NFIB: variants seen among roughly 807,000 people sequenced by gnomAD.
NFIB encodes the protein nuclear factor 1 B-type.
NFIB carries 11 observed loss-of-function variants against 61.5 expected under a neutral mutation model. The ratio of observed to expected loss-of-function variants is 0.18; its 90% CI spans 0.11 to 0.30. The LOEUF (loss-of-function observed/expected upper bound fraction) is 0.30. Among genes scored for constraint, NFIB ranks in the 10% least tolerant of loss-of-function variants. The pLI, the probability that NFIB is intolerant of heterozygous loss-of-function variation, is 1.00. For missense variants in NFIB, 471 were observed against 608.9 expected (o/e 0.77, Z 2.38); for synonymous variants, 260 against 216.5 (o/e 1.20, Z -1.76).
chr9:14,474,595 T>C, the NFIB span, among the ~76,000 whole-genome samples: 102 of 152,336 alleles, frequency 6.7e-4, no homozygotes, highest in African/African-American at 2.2e-3. Context: ...CTAAATATTG[T>C]CTAAATCTGA....
Position 14,313,627 on chromosome 9 carries a change from G to C in NFIB, c.-116C>G. 1 of 1,584,168 alleles carries C rather than the reference G, an allele frequency of 6.3e-7. No individual in the cohort carries two copies. Among genetic ancestry groups the C allele is most frequent in the Non-Finnish European group, 8.6e-7 (1 of 1,165,656 alleles). On this transcript the variant is annotated 5_prime_UTR_variant, in exon 1 of 11. Coordinates refer to ENST00000380953, the MANE Select transcript of NFIB (RefSeq NM_001190737.2). This position sits in a 1 kb window ranked among gnomAD's most constrained non-coding sequence, Gnocchi z 4.5. Reference sequence around the variant, plus strand: ...CCCCGCGATGCGATCAATCAGGACGGGGCTCTGCGCTGGATCACCGCAACT... The same window carrying C: ...CCCCGCGATGCGATCAATCAGGACGCGGCTCTGCGCTGGATCACCGCAACT...
At position 14,175,167 on chromosome 9, in the gene NFIB, C is replaced by CTTTTTTTTTTTT. The variant is rs55765054; in HGVS notation, c.616+4548_616+4559dup. On this transcript the variant is annotated intron_variant, in intron 3 of 10. Transcript: ENST00000380953. ...AAAATTTTTATGACTTAAAGAATTT[C>CTTTTTTTTTTTT]TTTTTTTTTTTTTTTTTTTTGAGAT... 1.6e-4 allele frequency among the ~76,000 whole-genome samples: 20 copies of CTTTTTTTTTTTT among 126,044 alleles called. 1 individual carries two copies. Among genetic ancestry groups the CTTTTTTTTTTTT allele is most frequent in the African/African-American group, 6.2e-4 (19 of 30,548 alleles). 82.7% of individuals were successfully genotyped at this position (126,044 alleles called of 152,430 possible).
intron 2 of NFIB, among the ~76,000 whole-genome samples, chr9:14,250,963 A>AATT (rs2055539773): frequency 1.3e-5 from 2 of 152,248 alleles, no homozygotes; most frequent in Non-Finnish European, 2.9e-5. Context: ...GTGTCATAAT[A>AATT]AGTAAATACT....
intron 1 of NFIB, among the ~76,000 whole-genome samples, chr9:14,395,372 A>G (rs1348248033): frequency 1.3e-5 from 2 of 151,008 alleles, no homozygotes; most frequent in Non-Finnish European, 2.9e-5. Context: ...GAAAGTTTGG[A>G]TCCTGTTTGA....
chr9:14,283,891 G>A (rs962254179), intron 2 of NFIB, among the ~76,000 whole-genome samples: 3 of 152,164 alleles, frequency 2.0e-5, no homozygotes, highest in Non-Finnish European at 4.4e-5. Context: ...CTTTGTCTAG[G>A]TAGGTAGGTA....
intron 7 of NFIB, among the ~76,000 whole-genome samples, chr9:14,121,221 G>A (rs1414221936): frequency 2.0e-5 from 3 of 152,178 alleles, no homozygotes; most frequent in East Asian, 1.9e-4. Context: ...CCGAGATGGC[G>A]CCATTGCGCT....
chr9:14,148,719 G>T (rs1274400437), intron 5 of NFIB, among the ~76,000 whole-genome samples: 1 of 152,104 alleles, frequency 6.6e-6, no homozygotes, highest in Non-Finnish European at 1.5e-5. Flanking sequence ...CCAAGCCCTT[G>T]AATCATGTAT....
chr9:14,352,350 A>C (rs901552687), intron 1 of NFIB, among the ~76,000 whole-genome samples: 1 of 152,092 alleles, frequency 6.6e-6, no homozygotes, highest in Non-Finnish European at 1.5e-5. Context: ...CCAAGATAAC[A>C]AACCATGGCT....
chr9:14,496,502 C>T, the NFIB span, among the ~76,000 whole-genome samples: 1 of 152,160 alleles, frequency 6.6e-6, no homozygotes, highest in Non-Finnish European at 1.5e-5. Flanking sequence ...ATTTGGGTGG[C>T]TTTGGTTGCC....
the NFIB span, among the ~76,000 whole-genome samples, chr9:14,444,196 T>A: frequency 6.6e-6 from 1 of 152,166 alleles, no homozygotes; most frequent in Non-Finnish European, 1.5e-5. Flanking sequence ...AACCAGGAAC[T>A]CACAAGAGAG....
intron 10 of NFIB, among the ~76,000 whole-genome samples, chr9:14,106,515 C>CTTAGG (rs2036580951): frequency 6.6e-6 from 1 of 152,008 alleles, no homozygotes; most frequent in South Asian, 2.1e-4. Flanking sequence ...GGGTGGAGTT[C>CTTAGG]TGTGGTCTCT....
At chr9:14,480,639 A>G in the NFIB span, among the ~76,000 whole-genome samples, 2 of 152,144 alleles carry the variant, frequency 1.3e-5, no homozygotes, top group Non-Finnish European at 2.9e-5. Context: ...GCTTGTACCT[A>G]ATCAATGTAG....
chr9:14,184,775 C>G (rs1331637441), intron 2 of NFIB, among the ~76,000 whole-genome samples: 1 of 152,144 alleles, frequency 6.6e-6, no homozygotes, highest in Admixed American at 6.5e-5. Context: ...AATCCCAGCA[C>G]TTTTGGAGGC....
At chr9:14,401,918 G>T (rs1326472646), upstream of NFIB, among the ~76,000 whole-genome samples, 1 of 152,190 alleles carries the variant, frequency 6.6e-6, no homozygotes, top group Non-Finnish European at 1.5e-5. Flanking sequence ...TTATATGAAT[G>T]TCAAAGTACT....
chr9:14,450,751 C>A, the NFIB span, among the ~76,000 whole-genome samples: 1 of 152,262 alleles, frequency 6.6e-6, no homozygotes, highest in African/African-American at 2.4e-5. Flanking sequence ...TTATAAGTGG[C>A]AAAAACTGGG....
the NFIB span, among the ~76,000 whole-genome samples, chr9:14,522,455 C>T: frequency 6.6e-6 from 1 of 152,052 alleles, no homozygotes; most frequent in Non-Finnish European, 1.5e-5. Flanking sequence ...AGTGTTATTT[C>T]TTCTATGTAT....
At chr9:14,315,661 C>A (rs1010505858), upstream of NFIB, among the ~76,000 whole-genome samples, 2 of 149,922 alleles carry the variant, frequency 1.3e-5, no homozygotes, top group South Asian at 4.2e-4. Context: ...CCCCGTCGCC[C>A]GTGCAGGCTC....
chr9:14,295,818 CACCCTTT>C (rs1163983623), intron 2 of NFIB, among the ~76,000 whole-genome samples: 2 of 152,262 alleles, frequency 1.3e-5, no homozygotes, highest in East Asian at 3.9e-4. Flanking sequence ...CTTGATAGGA[CACCCTTT>C]ACCCACACCA....
chr9:14,452,146 T>C, the NFIB span, among the ~76,000 whole-genome samples: 4 of 152,158 alleles, frequency 2.6e-5, no homozygotes, highest in Admixed American at 6.5e-5. Context: ...CCTTTGTGGT[T>C]ATTCGTGTTT....
Sources: allele counts gnomAD v4.1 joint callset (sites outside exome capture counted in the v4.1 genomes callset), GRCh38; gene constraint gnomAD v4.1.1; non-coding constraint Gnocchi (gnomAD v3.1); transcripts MANE v1.5; gene names NCBI Gene and HGNC (gene_info 2026-07-23, HGNC 2026-07-21).